The following SGCG variants were observed in gnomAD, a reference collection of about 807,000 sequenced individuals.
SGCG encodes sarcoglycan gamma.
SGCG carries 26 observed loss-of-function variants against 29.3 expected under a neutral mutation model. The ratio of observed to expected loss-of-function variants is 0.89; its 90% CI spans 0.65 to 1.23. SGCG has a LOEUF of 1.23. Among genes scored for constraint, SGCG ranks in the 50% most tolerant of loss-of-function variants. The pLI, the probability that SGCG is intolerant of heterozygous loss-of-function variation, is 0.00. For missense variants in SGCG, 353 were observed against 356.0 expected, an observed-to-expected ratio of 0.99 and a Z score of 0.07; for synonymous variants, 145 against 129.7, an observed-to-expected ratio of 1.12 and a Z score of -0.80.
At chr13:23,195,803 G>A (rs1224682486) in intron 1 of SGCG, among the ~76,000 whole-genome samples, 1 of 151,912 alleles carries the variant, frequency 6.6e-6, no homozygotes, top group African/African-American at 2.4e-5. Context: ...TGAGCAATTT[G>A]ACTAAAAGAT....
At chr13:23,292,709 C>T (rs1881763154) in intron 5 of SGCG, among the ~76,000 whole-genome samples, 1 of 151,960 alleles carries the variant, frequency 6.6e-6, no homozygotes, top group South Asian at 2.1e-4. Context: ...AACTTTATGC[C>T]CACATTCCTT....
In SGCG at chr13:23,230,911, T is replaced by TA. The variant is rs541734175; in HGVS notation, c.196-3699dup. Reference sequence around the variant, plus strand: ...TCCAGCTTTTAACCATTCAGTATGATATTGGCTGTGGGTTTGTCATAGAAG... The same window carrying TA: ...TCCAGCTTTTAACCATTCAGTATGATAATTGGCTGTGGGTTTGTCATAGAAG... On this transcript the variant is annotated intron_variant, in intron 2 of 7. Coordinates refer to ENST00000218867, the MANE Select transcript of SGCG (RefSeq NM_000231.3). 1.9e-3 allele frequency among the ~76,000 whole-genome samples: 285 copies of TA among 152,320 alleles called. 4 individuals carry two copies. Among genetic ancestry groups the TA allele is most frequent in the African/African-American group, 6.5e-3 (271 of 41,572 alleles).
intron 4 of SGCG, among the ~76,000 whole-genome samples, chr13:23,264,066 T>G (rs1375244754): frequency 1.3e-5 from 2 of 152,056 alleles, no homozygotes; most frequent in African/African-American, 2.4e-5. Context: ...AACATCGTAC[T>G]GAAAGTGCTA....
Position 23,324,525 on chromosome 13 carries a change from A to G in SGCG, c.860A>G (p.Asn287Ser), listed in dbSNP as rs1800354. ...AGVSTTCQEHNHICL is the reference protein window; with the variant it reads ...AGVSTTCQEHSHICL ...GTGAGCACCACGTGCCAGGAGCACA[A>G]CCACATCTGCCTCTGAGCTGCCTGC... is the stretch of plus-strand genomic sequence containing the variant. The change falls in exon 8 of 8, where the codon AAC (asparagine) becomes AGC (serine). Residue 287 changes from asparagine (N) to serine (S), a missense_variant. Transcript: ENST00000218867. 1,406,367 of 1,611,402 alleles carry G rather than the reference A, an allele frequency of 0.87. 615,354 individuals carry two copies. Among genetic ancestry groups the G allele is most frequent in the East Asian group, 1 (44,809 of 44,834 alleles).
chr13:23,252,068 C>G (rs1879989429), intron 4 of SGCG, among the ~76,000 whole-genome samples: 2 of 152,150 alleles, frequency 1.3e-5, no homozygotes, highest in African/African-American at 4.8e-5. Context: ...TGTTTAATAA[C>G]TAAGTCCAGT....
At chr13:23,181,991 T>C (rs760598162) in intron 1 of SGCG, among the ~76,000 whole-genome samples, 42 of 152,152 alleles carry the variant, frequency 2.8e-4, no homozygotes, top group Non-Finnish European at 4.7e-4. Context: ...GGGTTCGTTT[T>C]ATAGGTTCTA....
chr13:23,238,628 G>C (rs572282225), intron 3 of SGCG, among the ~76,000 whole-genome samples: 16 of 152,300 alleles, frequency 1.1e-4, no homozygotes, highest in African/African-American at 3.8e-4. Context: ...ATCCTTGAAA[G>C]TGGCATGCTT....
intron 1 of SGCG, among the ~76,000 whole-genome samples, chr13:23,200,442 A>C (rs917199677): frequency 1.3e-5 from 2 of 152,228 alleles, no homozygotes; most frequent in African/African-American, 4.8e-5. Flanking sequence ...ACAAACAAAC[A>C]AAAAAACTGG....
intron 3 of SGCG, among the ~76,000 whole-genome samples, chr13:23,248,837 C>A (rs777522162): frequency 6.7e-6 from 1 of 149,820 alleles, no homozygotes; most frequent in Non-Finnish European, 1.5e-5. Flanking sequence ...CTAAAACTAC[C>A]AAAAATTAGG....
At chr13:23,295,221 A>C (rs975772778) in intron 5 of SGCG, among the ~76,000 whole-genome samples, 194 bp from the exon 6 acceptor site, 17 of 152,226 alleles carry the variant, frequency 1.1e-4, no homozygotes, top group African/African-American at 3.6e-4. Context: ...ATAGGAACAT[A>C]ATGAAATTGT....
At chr13:23,294,805 A>C (rs1378711592) in intron 5 of SGCG, among the ~76,000 whole-genome samples, 3 of 152,192 alleles carry the variant, frequency 2.0e-5, no homozygotes. Flanking sequence ...CCTGCGTTGC[A>C]GGGGTCTGAG....
intron 5 of SGCG, among the ~76,000 whole-genome samples, chr13:23,285,161 T>G (rs1881448230): frequency 6.6e-6 from 1 of 152,178 alleles, no homozygotes; most frequent in Non-Finnish European, 1.5e-5. Flanking sequence ...GCTGCTCTCT[T>G]CAGAGCTGGC....
intron 5 of SGCG, among the ~76,000 whole-genome samples, chr13:23,290,172 G>A (rs933622287): frequency 2.0e-5 from 3 of 152,184 alleles, no homozygotes; most frequent in Non-Finnish European, 4.4e-5. Context: ...TTCATTTGCA[G>A]GGCAGACAGC....
intron 1 of SGCG, among the ~76,000 whole-genome samples, chr13:23,186,870 C>A (rs1168981709): frequency 2.0e-5 from 3 of 152,154 alleles, no homozygotes; most frequent in African/African-American, 7.2e-5. Flanking sequence ...TCTGTAAGTT[C>A]TTGGATAGTG....
intron 5 of SGCG, among the ~76,000 whole-genome samples, chr13:23,288,239 G>A (rs1881575135): frequency 1.3e-5 from 2 of 152,156 alleles, no homozygotes; most frequent in African/African-American, 2.4e-5. Flanking sequence ...TAGGAAAAGA[G>A]ACGGGCAGCC....
intron 4 of SGCG, among the ~76,000 whole-genome samples, chr13:23,274,315 G>A (rs1202093808): frequency 6.6e-6 from 1 of 151,474 alleles, no homozygotes; most frequent in African/African-American, 2.4e-5. Context: ...TTGTAGTCCT[G>A]GCACTTGTTA....
chr13:23,272,810 C>T (rs1400142095), intron 4 of SGCG, among the ~76,000 whole-genome samples: 1 of 152,180 alleles, frequency 6.6e-6, no homozygotes, highest in Non-Finnish European at 1.5e-5. Flanking sequence ...TCTGATCAAA[C>T]TTTCTCATTT....
the SGCG span, among the ~76,000 whole-genome samples, chr13:23,166,976 C>T: frequency 6.6e-6 from 1 of 152,116 alleles, no homozygotes; most frequent in Non-Finnish European, 1.5e-5. Context: ...TATAGTCATC[C>T]TGTTGTGCTA....
At chr13:23,243,016 TC>T (rs1342376191) in intron 3 of SGCG, among the ~76,000 whole-genome samples, 2 of 152,198 alleles carry the variant, frequency 1.3e-5, no homozygotes, top group Non-Finnish European at 2.9e-5. Flanking sequence ...TTAAGGTACT[TC>T]TTAAAAATAT....
Sources: gnomAD v4.1 joint callset for allele counts (sites outside exome capture counted in the v4.1 genomes callset) on GRCh38, gnomAD v4.1.1 for gene constraint, MANE v1.5 for transcripts, NCBI Gene and HGNC (gene_info 2026-07-23, HGNC 2026-07-21) for gene names.